Variants in GPC6 observed in about 807,000 individuals in gnomAD.
The protein encoded by GPC6 is glypican 6, also known as glypican-6.
GPC6 carries 14 observed loss-of-function variants against 55.2 expected under a neutral mutation model. That is an observed-to-expected ratio of 0.25 (90% CI 0.17 to 0.40). The LOEUF (loss-of-function observed/expected upper bound fraction) is 0.40. Among genes scored for constraint, GPC6 ranks in the 10% least tolerant of loss-of-function variants. The probability of loss-of-function intolerance (pLI) is 1.00; values close to 1 mark genes in which losing one functional copy is unlikely to be tolerated. For missense variants in GPC6, 641 were observed against 708.5 expected, an observed-to-expected ratio of 0.90 and a Z score of 1.08; for synonymous variants, 278 against 259.6, an observed-to-expected ratio of 1.07 and a Z score of -0.68.
At chr13:94,295,884 A>G (rs1281097195) in intron 5 of GPC6, among the ~76,000 whole-genome samples, 1 of 151,992 alleles carries the variant, frequency 6.6e-6, no homozygotes, top group African/African-American at 2.4e-5. Flanking sequence ...AATGATTTCT[A>G]AATTCACAGT....
At chr13:94,162,597 G>A (rs1238575235) in intron 4 of GPC6, among the ~76,000 whole-genome samples, 1 of 152,166 alleles carries the variant, frequency 6.6e-6, no homozygotes, top group African/African-American at 2.4e-5. Context: ...CCAGGGTTCT[G>A]TTAGTAAGCG....
rs116636992 is a variant in GPC6 at position 93,800,062 on chromosome 13, G to A, written c.320-30092G>A. On this transcript the variant is annotated intron_variant, in intron 2 of 8. Transcript: ENST00000377047. Reference sequence around the variant, plus strand: ...TCCATTAACACGATTTACATTGACCGTGATTGCTGCTACATCACGTAATAT... The same window carrying A: ...TCCATTAACACGATTTACATTGACCATGATTGCTGCTACATCACGTAATAT... 5.0e-3 allele frequency among the ~76,000 whole-genome samples: 765 copies of A among 152,246 alleles called. 8 individuals carry two copies. Among genetic ancestry groups the A allele is most frequent in the African/African-American group, 0.016 (682 of 41,554 alleles).
At chr13:93,712,922 G>A (rs571738323) in intron 2 of GPC6, among the ~76,000 whole-genome samples, 13 of 150,976 alleles carry the variant, frequency 8.6e-5, no homozygotes, top group Non-Finnish European at 1.5e-4. Flanking sequence ...GTATTAAGCC[G>A]CATTTTAAAA....
At chr13:94,387,501 C>A (rs1294503011) in intron 7 of GPC6, among the ~76,000 whole-genome samples, 1 of 152,164 alleles carries the variant, frequency 6.6e-6, no homozygotes, top group Non-Finnish European at 1.5e-5. Context: ...TAAAACAGTG[C>A]TTCTCAAACT....
chr13:93,514,319 G>A (rs959544647), intron 1 of GPC6, among the ~76,000 whole-genome samples: 1 of 152,150 alleles, frequency 6.6e-6, no homozygotes, highest in Admixed American at 6.5e-5. Context: ...AATACAAGAA[G>A]AGTCAACTGT....
In GPC6 at chr13:94,407,685, T is replaced by G. The variant is rs1413870607; in HGVS notation, c.*4468T>G. On this transcript the variant is annotated 3_prime_UTR_variant, in exon 9 of 9. Coordinates refer to ENST00000377047, the MANE Select transcript of GPC6 (RefSeq NM_005708.5). Reference sequence around the variant, plus strand: ...AGGATAAATTTAGTGACTTGAAAACTGATGTCAATACTTTATAAATGAGGT... The same window carrying G: ...AGGATAAATTTAGTGACTTGAAAACGGATGTCAATACTTTATAAATGAGGT... Among the ~76,000 whole-genome samples, 1 of 152,208 alleles carries G rather than the reference T, an allele frequency of 6.6e-6. No homozygotes were observed. The highest frequency in any genetic ancestry group is 2.4e-5 in the African/African-American group (1 of 41,466).
intron 3 of GPC6, among the ~76,000 whole-genome samples, chr13:93,976,932 CA>C (rs1481931037): frequency 8.5e-5 from 13 of 152,180 alleles, no homozygotes; most frequent in African/African-American, 3.1e-4. Context: ...AGAATATAAA[CA>C]AGTCGTACTT....
intron 3 of GPC6, among the ~76,000 whole-genome samples, chr13:93,942,525 T>C (rs1179556009): frequency 6.6e-6 from 1 of 152,212 alleles, no homozygotes; most frequent in Non-Finnish European, 1.5e-5. Context: ...TTTTGCCATG[T>C]TGACCAGGTT....
At chr13:94,119,279 A>G (rs1314148725) in intron 4 of GPC6, among the ~76,000 whole-genome samples, 1 of 152,092 alleles carries the variant, frequency 6.6e-6, no homozygotes, top group Non-Finnish European at 1.5e-5. Flanking sequence ...AGTAAAAAGT[A>G]AAAGATGCAG....
intron 3 of GPC6, among the ~76,000 whole-genome samples, chr13:93,953,626 A>AT (rs1219461373): frequency 1.3e-5 from 2 of 152,190 alleles, no homozygotes; most frequent in African/African-American, 4.8e-5. Context: ...TTGAATTGTC[A>AT]TGCAACATTC....
chr13:93,788,404 C>T (rs79077201), intron 2 of GPC6, among the ~76,000 whole-genome samples: 4,611 of 152,118 alleles, frequency 0.03, 224 homozygotes, highest in African/African-American at 0.1. Flanking sequence ...TAATATTTCA[C>T]ATTGGCAATA....
intron 6 of GPC6, 28 bp from the exon 7 acceptor site, chr13:94,382,386 C>CA: frequency 6.2e-7 from 1 of 1,613,470 alleles, no homozygotes; most frequent in Non-Finnish European, 8.5e-7. Context: ...GCAGAATACT[C>CA]ACTTGCTTTC....
chr13:94,031,730 G>T (rs1883148684), intron 4 of GPC6, among the ~76,000 whole-genome samples: 1 of 152,232 alleles, frequency 6.6e-6, no homozygotes, highest in Non-Finnish European at 1.5e-5. Context: ...GAAACAGTTT[G>T]TGGGCAGAAC....
intron 2 of GPC6, among the ~76,000 whole-genome samples, chr13:93,770,812 A>G (rs549583308): frequency 3.1e-4 from 47 of 152,278 alleles, no homozygotes; most frequent in Admixed American, 9.8e-4. Context: ...CTTCCTCTAG[A>G]AATAAATCCT....
chr13:93,327,609 G>A (rs1244779981), intron 1 of GPC6, among the ~76,000 whole-genome samples: 2 of 152,120 alleles, frequency 1.3e-5, no homozygotes, highest in African/African-American at 2.4e-5. Context: ...ATCCTGGCTA[G>A]TTTAGGAAAC....
In GPC6 at chr13:93,380,403, T is replaced by C. The variant is rs117498453; in HGVS notation, c.160+152787T>C. ...GTTTGTTTAGAAATAAAGGTATTAATATAAGAATTGGTAAGGTCATATAAA... is the reference window on the plus strand; with the variant it reads ...GTTTGTTTAGAAATAAAGGTATTAACATAAGAATTGGTAAGGTCATATAAA... On this transcript the variant is annotated intron_variant, in intron 1 of 8. Transcript: ENST00000377047. Among the ~76,000 whole-genome samples, 852 of 152,250 alleles carry C rather than the reference T, an allele frequency of 5.6e-3. 5 individuals carry two copies. Among genetic ancestry groups the C allele is most frequent in the Middle Eastern group, 0.01 (3 of 294 alleles).
At chr13:93,719,342 G>T (rs1261803525) in intron 2 of GPC6, among the ~76,000 whole-genome samples, 1 of 151,970 alleles carries the variant, frequency 6.6e-6, no homozygotes, top group Non-Finnish European at 1.5e-5. Flanking sequence ...TCTCTTTGTA[G>T]CAATTGAGAA....
At chr13:93,613,846 A>T (rs75529286) in intron 2 of GPC6, among the ~76,000 whole-genome samples, 2,724 of 152,332 alleles carry the variant, frequency 0.018, 89 homozygotes, top group African/African-American at 0.062. Flanking sequence ...GTAGAGGGCC[A>T]GTCCTCCCTA....
intron 4 of GPC6, among the ~76,000 whole-genome samples, chr13:94,066,767 G>A (rs77787536): frequency 0.024 from 3,703 of 152,126 alleles, 135 homozygotes; most frequent in South Asian, 0.089. Context: ...ATCCCTTTCC[G>A]CAAGGAACAC....
Sources: gnomAD v4.1 joint callset for allele counts (sites outside exome capture counted in the v4.1 genomes callset) on GRCh38, gnomAD v4.1.1 for gene constraint, MANE v1.5 for transcripts, NCBI Gene and HGNC (gene_info 2026-07-23, HGNC 2026-07-21) for gene names.